Variants in MACROD2 observed in about 807,000 individuals in gnomAD.
The protein encoded by MACROD2 is mono-ADP ribosylhydrolase 2.
MACROD2 carries 36 observed loss-of-function variants against 70.4 expected under a neutral mutation model. The observed-to-expected ratio is 0.51, with a 90% CI of 0.39 to 0.68. The LOEUF is 0.68. MACROD2 is among the 30% of genes least tolerant of loss of function. The pLI, the probability that MACROD2 is intolerant of heterozygous loss-of-function variation, is 0.00. For synonymous variants in MACROD2, 172 were observed against 178.8 expected (o/e 0.96, Z 0.30); for missense variants, 496 against 538.4 (o/e 0.92, Z 0.78).
intron 15 of MACROD2, among the ~76,000 whole-genome samples, chr20:15,994,380 T>C (rs1354789415): frequency 6.6e-6 from 1 of 152,196 alleles, no homozygotes; most frequent in African/African-American, 2.4e-5. Flanking sequence ...TTGTATCATT[T>C]AGGATTTTTA....
chr20:15,362,694 A>T (rs2078366813), intron 6 of MACROD2, among the ~76,000 whole-genome samples: 1 of 152,128 alleles, frequency 6.6e-6, no homozygotes, highest in South Asian at 2.1e-4. Flanking sequence ...TGATCAAATA[A>T]ATTGTTGAAT....
chr20:15,922,730 C>G (rs966986198), intron 10 of MACROD2, among the ~76,000 whole-genome samples: 28 of 152,234 alleles, frequency 1.8e-4, no homozygotes, highest in African/African-American at 6.8e-4. Context: ...ACAATGTTAG[C>G]TGTACCTAAC....
chr20:15,977,181 G>T (rs2066318788), intron 13 of MACROD2, among the ~76,000 whole-genome samples: 1 of 152,174 alleles, frequency 6.6e-6, no homozygotes, highest in Admixed American at 6.5e-5. Context: ...CAATGACCTG[G>T]TGCGATGATT....
intron 3 of MACROD2, chr20:14,223,317 C>A (rs1169331247): frequency 6.6e-6 from 1 of 152,144 alleles, no homozygotes; most frequent in Admixed American, 6.5e-5. Context: ...ACAGAAAGTA[C>A]CTGAATCTTA....
intron 3 of MACROD2, among the ~76,000 whole-genome samples, chr20:14,466,397 G>C (rs2084449504): frequency 6.6e-6 from 1 of 151,980 alleles, no homozygotes; most frequent in Non-Finnish European, 1.5e-5. Context: ...GGTCCTTTAA[G>C]GACTTCTCTG....
At chr20:14,116,719 T>A (rs1033773825) in intron 3 of MACROD2, among the ~76,000 whole-genome samples, 1 of 152,168 alleles carries the variant, frequency 6.6e-6, no homozygotes, top group Non-Finnish European at 1.5e-5. Flanking sequence ...TTTTATGACT[T>A]AGAACCCAGA....
At chr20:15,906,984 C>G (rs1386214963) in intron 10 of MACROD2, among the ~76,000 whole-genome samples, 1 of 152,164 alleles carries the variant, frequency 6.6e-6, no homozygotes, top group African/African-American at 2.4e-5. Context: ...TGATGAGTAC[C>G]CCTTGTGGGA....
At chr20:14,037,244 T>G (rs892891367) in intron 2 of MACROD2, among the ~76,000 whole-genome samples, 7 of 152,230 alleles carry the variant, frequency 4.6e-5, no homozygotes, top group Non-Finnish European at 1.0e-4. Context: ...ATTGCAATTT[T>G]GTAGAATTTA....
chr20:15,410,916 C>T (rs2046069125), intron 6 of MACROD2, among the ~76,000 whole-genome samples: 1 of 152,124 alleles, frequency 6.6e-6, no homozygotes, highest in Admixed American at 6.6e-5. Context: ...GCCAGAGGCT[C>T]TAGATTCTCA....
intron 3 of MACROD2, among the ~76,000 whole-genome samples, chr20:14,318,095 G>C (rs2082629020): frequency 6.6e-6 from 1 of 152,138 alleles, no homozygotes; most frequent in African/African-American, 2.4e-5. Flanking sequence ...TAAAATGCGA[G>C]TTTCCAGCAG....
chr20:15,732,997 A>G (rs1018311747), intron 8 of MACROD2, among the ~76,000 whole-genome samples: 36 of 152,182 alleles, frequency 2.4e-4, no homozygotes, highest in Non-Finnish European at 4.0e-4. Flanking sequence ...CAATTTCTTA[A>G]TAGATACAGG....
Position 15,540,766 on chromosome 20 carries a change from A to G in MACROD2, c.645+40919A>G, listed in dbSNP as rs559577838. Among the ~76,000 whole-genome samples, 6 of 152,282 alleles carry G rather than the reference A, an allele frequency of 3.9e-5. No homozygotes were observed. The South Asian group carries it at 1.2e-3, about 32-fold the overall frequency. ...GGGCTGTGAGAATAGAGTCGGTTCC[A>G]TCACTTTCTCCTGACTTCTGGCAGT... On this transcript the variant is annotated intron_variant, in intron 8 of 17. Transcript: ENST00000684519.
intron 15 of MACROD2, among the ~76,000 whole-genome samples, chr20:15,989,957 C>G (rs2066536380): frequency 6.6e-6 from 1 of 152,010 alleles, no homozygotes; most frequent in African/African-American, 2.4e-5. Flanking sequence ...GGTATATGGG[C>G]ACAGATGTTG....
chr20:15,198,429 C>T (rs79183880), intron 5 of MACROD2, among the ~76,000 whole-genome samples: 11,671 of 152,116 alleles, frequency 0.077, 580 homozygotes, highest in Admixed American at 0.11. Context: ...AGCAAAAATT[C>T]GTCATAAATT....
At chr20:15,804,046 A>G (rs1265777257) in intron 8 of MACROD2, among the ~76,000 whole-genome samples, 2 of 152,218 alleles carry the variant, frequency 1.3e-5, no homozygotes, top group East Asian at 3.9e-4. Context: ...TTTGCACCTA[A>G]TTTAATGTGC....
chr20:14,102,608 A>G (rs181381868), intron 3 of MACROD2, among the ~76,000 whole-genome samples: 2 of 152,252 alleles, frequency 1.3e-5, no homozygotes, highest in East Asian at 1.9e-4. Context: ...ATGACTGCAC[A>G]CCATTCACTT....
intron 9 of MACROD2, among the ~76,000 whole-genome samples, chr20:15,865,035 G>A (rs2064473094): frequency 6.6e-6 from 1 of 152,044 alleles, no homozygotes. Flanking sequence ...ATTAGGATAC[G>A]TTTCTTCCTA....
chr20:15,227,823 G>GGTTTTTTTT (rs2076920739), intron 5 of MACROD2, among the ~76,000 whole-genome samples: 1 of 46,092 alleles, frequency 2.2e-5, no homozygotes, highest in Non-Finnish European at 3.8e-5. Flanking sequence ...AATTTCACCT[G>GGTTTTTTTT]TTTTTTTTTT....
intron 8 of MACROD2, among the ~76,000 whole-genome samples, chr20:15,688,005 C>T (rs1200761488): frequency 1.3e-5 from 2 of 152,144 alleles, no homozygotes; most frequent in African/African-American, 4.8e-5. Context: ...GCAAGAATTT[C>T]CCATCATTTG....
Sources: allele counts gnomAD v4.1 joint callset (sites outside exome capture counted in the v4.1 genomes callset), GRCh38; gene constraint gnomAD v4.1.1; transcripts MANE v1.5; gene names NCBI Gene and HGNC (gene_info 2026-07-23, HGNC 2026-07-21).